Variants in MCF2L2 observed in about 807,000 individuals in gnomAD.
MCF2L2 encodes probable guanine nucleotide exchange factor MCF2L2.
A neutral mutation model predicts 150.2 loss-of-function variants in MCF2L2; 102 were observed. That is an observed-to-expected ratio of 0.68 (90% CI 0.58 to 0.80). MCF2L2 has a LOEUF of 0.80. Among genes scored for constraint, MCF2L2 ranks in the 30% least tolerant of loss-of-function variants. The pLI, the probability that MCF2L2 is intolerant of heterozygous loss-of-function variation, is 0.00. For synonymous variants in MCF2L2, 465 were observed against 491.3 expected (o/e 0.95, Z 0.71); for missense variants, 1,256 against 1,372.8 (o/e 0.91, Z 1.34).
intron 23 of MCF2L2, among the ~76,000 whole-genome samples, chr3:183,206,425 C>T (rs1722474870): frequency 6.6e-6 from 1 of 152,196 alleles, no homozygotes; most frequent in African/African-American, 2.4e-5. Context: ...GAAGGTAACA[C>T]AGACTGTTAA....
chr3:183,239,417 T>G (rs966617753), intron 15 of MCF2L2, among the ~76,000 whole-genome samples: 1 of 151,974 alleles, frequency 6.6e-6, no homozygotes, highest in African/African-American at 2.4e-5. Flanking sequence ...CATGCTTGTT[T>G]CAAATGACAC....
intron 1 of MCF2L2, among the ~76,000 whole-genome samples, chr3:183,406,323 T>G (rs553359443): frequency 1.3e-5 from 2 of 152,300 alleles, no homozygotes; most frequent in South Asian, 4.1e-4. Flanking sequence ...TTGAGCATAT[T>G]TTCATGTGTT....
chr3:183,297,233 A>C, intron 11 of MCF2L2, 66 bp from the exon 12 acceptor site: 2 of 1,341,934 alleles, frequency 1.5e-6, no homozygotes, highest in Non-Finnish European at 1.0e-6. Flanking sequence ...CGTAATCCTC[A>C]GCAGGTCTGA....
At chr3:183,343,371 A>ATT (rs199910390) in intron 3 of MCF2L2, among the ~76,000 whole-genome samples, 4 of 140,880 alleles carry the variant, frequency 2.8e-5, no homozygotes, top group Admixed American at 7.2e-5. Flanking sequence ...TGATAACTTG[A>ATT]TTTTTTTTTT....
chr3:183,410,389 T>C (rs1395671101), intron 1 of MCF2L2, among the ~76,000 whole-genome samples: 1 of 152,222 alleles, frequency 6.6e-6, no homozygotes, highest in Non-Finnish European at 1.5e-5. Context: ...AAGCGTCCTC[T>C]CCAAACCCCT....
At chr3:183,352,208 C>T (rs1175456613) in intron 3 of MCF2L2, among the ~76,000 whole-genome samples, 2 of 152,126 alleles carry the variant, frequency 1.3e-5, no homozygotes, top group Admixed American at 1.3e-4. Flanking sequence ...TGTAGGAGAA[C>T]TAGCATCTTC....
At chr3:183,294,412 C>T (rs60057863) in intron 13 of MCF2L2, among the ~76,000 whole-genome samples, 2,026 of 151,828 alleles carry the variant, frequency 0.013, 55 homozygotes, top group African/African-American at 0.047. Flanking sequence ...AGGGCAATGG[C>T]GCAATCTCTG....
At chr3:183,224,048 T>G in intron 19 of MCF2L2, 50 bp downstream of exon 19, 2 of 1,359,736 alleles carry the variant, frequency 1.5e-6, no homozygotes, top group Non-Finnish European at 2.1e-6. Flanking sequence ...CTTTAACAAC[T>G]TGATGCATAG....
intron 3 of MCF2L2, among the ~76,000 whole-genome samples, chr3:183,348,733 T>A (rs1730998157): frequency 6.6e-6 from 1 of 152,134 alleles, no homozygotes; most frequent in Admixed American, 6.5e-5. Flanking sequence ...TATGTGAATA[T>A]TTTTCAAAGT....
intron 1 of MCF2L2, among the ~76,000 whole-genome samples, chr3:183,402,362 G>A (rs1169143200): frequency 6.7e-6 from 1 of 150,346 alleles, no homozygotes; most frequent in Non-Finnish European, 1.5e-5. Context: ...GTTGAGGCAG[G>A]AGAATGGCGT....
At chr3:183,340,012 C>T (rs1162878570) in intron 4 of MCF2L2, among the ~76,000 whole-genome samples, 1 of 152,104 alleles carries the variant, frequency 6.6e-6, no homozygotes, top group African/African-American at 2.4e-5. Context: ...TCTCTAGAGG[C>T]CAGACCTCTG....
At position 183,224,100 on chromosome 3, in the gene MCF2L2, C is replaced by T. The variant is rs1343033349; in HGVS notation, c.2206G>A (p.Gly736Arg). ...WQECQDCAYFGVCQRQLDHNL... is the reference protein window; with the variant it reads ...WQECQDCAYFRVCQRQLDHNL... ...GAAGTTTGTCTTCTCAACATTACCC[C>T]AAAGTAGGCGCAGTCTTGACACTCT... The change falls in exon 19 of 30, where the codon GGG becomes AGG. Residue 736 changes from glycine to arginine, a missense_variant and splice_region_variant. Coordinates refer to ENST00000328913, the MANE Select transcript of MCF2L2 (RefSeq NM_015078.4). 1 of 1,613,100 alleles carries T rather than the reference C, an allele frequency of 6.2e-7. No individual in the cohort carries two copies. Among genetic ancestry groups the T allele is most frequent in the South Asian group, 1.1e-5 (1 of 91,048 alleles).
chr3:183,201,907 C>G (rs568960123), intron 25 of MCF2L2, among the ~76,000 whole-genome samples: 5 of 152,174 alleles, frequency 3.3e-5, no homozygotes, highest in African/African-American at 1.2e-4. Flanking sequence ...CTTCGGAGAA[C>G]ACTGGAAATT....
rs1726301994 is a variant in MCF2L2, at chr3:183,267,754, C to T, written c.1862+9118G>A. Reference sequence around the variant, plus strand: ...TCTTGAGGAAGGAGGGTGCTGCGTCCCAGTGGTGGAGGAAAAGAGAGGACC... The same window carrying T: ...TCTTGAGGAAGGAGGGTGCTGCGTCTCAGTGGTGGAGGAAAAGAGAGGACC... On this transcript the variant is annotated intron_variant, in intron 15 of 29. Transcript: ENST00000328913. This position sits in a 1 kb window ranked among gnomAD's most constrained non-coding sequence, Gnocchi z 5.5. Among the ~76,000 whole-genome samples the T allele has an allele frequency of 6.6e-6, 1 of 152,172 alleles. No individual in the cohort carries two copies. Among genetic ancestry groups the T allele is most frequent in the African/African-American group, 2.4e-5 (1 of 41,434 alleles).
chr3:183,370,269 G>T (rs1315019188), intron 3 of MCF2L2, among the ~76,000 whole-genome samples: 3 of 152,014 alleles, frequency 2.0e-5, no homozygotes, highest in Non-Finnish European at 2.9e-5. Flanking sequence ...TTTCCTAATT[G>T]TTCTTCTACA....
chr3:183,369,344 A>G (rs1041055225), intron 3 of MCF2L2, among the ~76,000 whole-genome samples: 2 of 152,104 alleles, frequency 1.3e-5, no homozygotes, highest in Non-Finnish European at 2.9e-5. Flanking sequence ...TTTTTGCCTG[A>G]TAAGAGGCCA....
At chr3:183,360,695 C>A (rs893620499) in intron 3 of MCF2L2, among the ~76,000 whole-genome samples, 2 of 152,038 alleles carry the variant, frequency 1.3e-5, no homozygotes, top group African/African-American at 2.4e-5. Context: ...CTAGGCCAGG[C>A]GTGGTGGGTC....
intron 15 of MCF2L2, chr3:183,253,155 G>GC (rs112987327): frequency 1 from 151,338 of 151,342 alleles, 75,667 homozygotes; most frequent in Middle Eastern, 1. Context: ...GAGGGTGGCG[G>GC]CTGGCGGGCG....
chr3:183,299,470 CT>C (rs756688367), intron 11 of MCF2L2: 1 of 153,384 alleles, frequency 6.5e-6, no homozygotes, highest in Non-Finnish European at 1.5e-5. Flanking sequence ...CAGTTTCTGC[CT>C]CTGCACAATG....
Sources: allele counts gnomAD v4.1 joint callset (sites outside exome capture counted in the v4.1 genomes callset), GRCh38; gene constraint gnomAD v4.1.1; non-coding constraint Gnocchi (gnomAD v3.1); transcripts MANE v1.5; gene names NCBI Gene and HGNC (gene_info 2026-07-23, HGNC 2026-07-21).